The following AGAP1 variants were observed in gnomAD, a reference collection of about 807,000 sequenced individuals.
AGAP1 encodes the protein arf-GAP with GTPase, ANK repeat and PH domain-containing protein 1.
A neutral mutation model predicts 105.3 loss-of-function variants in AGAP1; 29 were observed. That is an observed-to-expected ratio of 0.28 (90% CI 0.21 to 0.38). The LOEUF is 0.38. Ranked by LOEUF, AGAP1 falls within the 10% of genes least tolerant of loss-of-function variation. The probability of loss-of-function intolerance (pLI) is 1.00; values close to 1 mark genes in which losing one functional copy is unlikely to be tolerated. For synonymous variants in AGAP1, 509 were observed against 485.9 expected, an observed-to-expected ratio of 1.05 and a Z score of -0.63; for missense variants, 998 against 1,165.1, an observed-to-expected ratio of 0.86 and a Z score of 2.09.
intron 1 of AGAP1, among the ~76,000 whole-genome samples, chr2:235,530,672 T>G (rs1943013116): frequency 6.6e-6 from 1 of 152,182 alleles, no homozygotes. Flanking sequence ...CTCCGGCTCC[T>G]CTGCTTTCTT....
chr2:235,946,220 T>TTG (rs538091612), intron 12 of AGAP1, among the ~76,000 whole-genome samples: 96 of 151,934 alleles, frequency 6.3e-4, no homozygotes, highest in Non-Finnish European at 1.1e-3. Flanking sequence ...CCCTTCCAGT[T>TTG]TGTGTGTGTG....
rs188871195 is a variant in AGAP1 at position 236,088,314 on chromosome 2, G to A, written c.2115-31878G>A. 2.6e-4 allele frequency among the ~76,000 whole-genome samples: 40 copies of A among 152,380 alleles called. No homozygotes were observed. The East Asian group carries it at 7.5e-3, about 29-fold the overall frequency. The stretch of plus-strand genomic sequence containing the variant: ...GCTTTGAAAGGGTTTAATGCACACT[G>A]AAGAAACAGCCAGATAGCTCCAGCT... On this transcript the variant is annotated intron_variant, in intron 16 of 17. Transcript: ENST00000304032.
intron 10 of AGAP1, among the ~76,000 whole-genome samples, chr2:235,899,627 CTTATAAGTCA>C (rs916508677): frequency 9.9e-5 from 15 of 152,158 alleles, no homozygotes; most frequent in African/African-American, 3.6e-4. Flanking sequence ...TGAACATTTC[CTTATAAGTCA>C]AAATTTCTAG....
intron 1 of AGAP1, among the ~76,000 whole-genome samples, chr2:235,672,832 C>T (rs1314226153): frequency 6.6e-6 from 1 of 152,176 alleles, no homozygotes; most frequent in Admixed American, 6.5e-5. Flanking sequence ...GATAGTTCCT[C>T]TCTGGTCAAA....
intron 10 of AGAP1, among the ~76,000 whole-genome samples, chr2:235,892,558 T>C (rs1029382859): frequency 1.3e-5 from 2 of 149,342 alleles, no homozygotes; most frequent in African/African-American, 2.5e-5. Flanking sequence ...TAAGTAGGTA[T>C]TTTCCTCAAA....
At chr2:235,683,394 G>A (rs190899038) in intron 1 of AGAP1, among the ~76,000 whole-genome samples, 2 of 152,052 alleles carry the variant, frequency 1.3e-5, no homozygotes, top group African/African-American at 4.8e-5. Context: ...TATTAAAAAT[G>A]TACTTGCCTC....
At chr2:235,640,072 A>G (rs1228759309) in intron 1 of AGAP1, among the ~76,000 whole-genome samples, 1 of 152,154 alleles carries the variant, frequency 6.6e-6, no homozygotes, top group Admixed American at 6.5e-5. Context: ...ACTTAACTTC[A>G]TCCCTCTCAG....
intron 9 of AGAP1, among the ~76,000 whole-genome samples, chr2:235,835,490 CTT>C (rs1960044741): frequency 6.6e-6 from 1 of 152,246 alleles, no homozygotes; most frequent in African/African-American, 2.4e-5. Flanking sequence ...TAGCCCCTCT[CTT>C]GTGTAACCAT....
At chr2:235,519,885 C>T (rs560057134) in intron 1 of AGAP1, among the ~76,000 whole-genome samples, 52 of 152,182 alleles carry the variant, frequency 3.4e-4, no homozygotes, top group African/African-American at 1.2e-3. Context: ...TGGGTTCAAG[C>T]GATTCTCCTG....
intron 1 of AGAP1, among the ~76,000 whole-genome samples, chr2:235,686,552 TATATACACAC>T (rs1949393281): frequency 1.8e-5 from 1 of 54,328 alleles, no homozygotes; most frequent in Non-Finnish European, 3.8e-5. Context: ...AGGAGATATA[TATATACACAC>T]ACACACACAC....
intron 16 of AGAP1, among the ~76,000 whole-genome samples, chr2:236,110,106 G>C (rs2125932928): frequency 6.6e-6 from 1 of 152,362 alleles, no homozygotes; most frequent in Admixed American, 6.5e-5. Flanking sequence ...ACCCTGGGCA[G>C]TGTTCTGTAT....
rs1440295758 is a variant in AGAP1 at position 235,964,087 on chromosome 2, A to G, written c.1484-4375A>G. ...ACAGGCATGCTAGTTAGATTGAGAT[A>G]AGCGACTGGCAGCCTCGTGCAGAAG... On this transcript the variant is annotated intron_variant, in intron 12 of 17. Transcript: ENST00000304032. The surrounding 1 kb of genome is among the most constrained non-coding windows in gnomAD (Gnocchi z 4.6). Among the ~76,000 whole-genome samples, 1 of 152,144 alleles carries G rather than the reference A, an allele frequency of 6.6e-6. No individual in the cohort carries two copies. The highest frequency in any genetic ancestry group is 1.9e-4 in the East Asian group (1 of 5,186).
chr2:235,698,674 G>A (rs1950113568), intron 1 of AGAP1, among the ~76,000 whole-genome samples: 1 of 152,126 alleles, frequency 6.6e-6, no homozygotes, highest in Non-Finnish European at 1.5e-5. Context: ...GCTTCTTAGG[G>A]GTGCCAGGAA....
In AGAP1 at chr2:235,864,483, C is replaced by T. The variant is rs1363491377; in HGVS notation, c.1051-18862C>T. Reference sequence around the variant, plus strand: ...GGTCTGGGTGGGAGGAGGAGGTGGGCGGCCGGAAGGTGGTTGAGCGTTTCC... The same window carrying T: ...GGTCTGGGTGGGAGGAGGAGGTGGGTGGCCGGAAGGTGGTTGAGCGTTTCC... On this transcript the variant is annotated intron_variant, in intron 9 of 17. Coordinates refer to ENST00000304032, the MANE Select transcript of AGAP1 (RefSeq NM_001037131.3). The surrounding 1 kb of genome is among the most constrained non-coding windows in gnomAD (Gnocchi z 5.0). 6.6e-6 allele frequency among the ~76,000 whole-genome samples: 1 copy of T among 152,152 alleles called. No individual in the cohort carries two copies. The highest frequency in any genetic ancestry group is 1.5e-5 in the Non-Finnish European group (1 of 68,034).
At chr2:235,675,748 A>T (rs1948703294) in intron 1 of AGAP1, among the ~76,000 whole-genome samples, 1 of 152,212 alleles carries the variant, frequency 6.6e-6, no homozygotes, top group Non-Finnish European at 1.5e-5. Flanking sequence ...AACGTCAGCC[A>T]GGGAACCTTC....
intron 12 of AGAP1, among the ~76,000 whole-genome samples, chr2:235,955,288 G>A (rs913519262): frequency 1.8e-4 from 28 of 152,200 alleles, no homozygotes; most frequent in Non-Finnish European, 3.5e-4. Flanking sequence ...CCTGAGGAGC[G>A]GGGACCTCTC....
At chr2:235,506,062 C>T (rs1378982611) in intron 1 of AGAP1, among the ~76,000 whole-genome samples, 2 of 151,338 alleles carry the variant, frequency 1.3e-5, no homozygotes, top group Non-Finnish European at 2.9e-5. Flanking sequence ...TCCTGAGTAG[C>T]GGGGACTACA....
rs2054908807 is a variant in AGAP1, at chr2:235,977,500, G to A, written c.1645+8877G>A. The stretch of plus-strand genomic sequence containing the variant: ...GGGATACAGATTGAAATGTTCAGCA[G>A]CAAGGTATGAGAGGTCCGCATCTCA... On this transcript the variant is annotated intron_variant, in intron 13 of 17. Coordinates refer to ENST00000304032, the MANE Select transcript of AGAP1 (RefSeq NM_001037131.3). The surrounding 1 kb of genome is among the most constrained non-coding windows in gnomAD (Gnocchi z 5.2). Among the ~76,000 whole-genome samples, 1 of 152,140 alleles carries A rather than the reference G, an allele frequency of 6.6e-6. No individual in the cohort carries two copies. The highest frequency in any genetic ancestry group is 1.5e-5 in the Non-Finnish European group (1 of 68,022).
chr2:235,501,381 CTTA>C (rs1165514986), intron 1 of AGAP1, among the ~76,000 whole-genome samples: 1 of 152,134 alleles, frequency 6.6e-6, no homozygotes, highest in Non-Finnish European at 1.5e-5. Context: ...TCAGTATTCA[CTTA>C]TTATATGATA....
Sources: allele counts gnomAD v4.1 joint callset (sites outside exome capture counted in the v4.1 genomes callset), GRCh38; gene constraint gnomAD v4.1.1; non-coding constraint Gnocchi (gnomAD v3.1); transcripts MANE v1.5; gene names NCBI Gene and HGNC (gene_info 2026-07-23, HGNC 2026-07-21).